The following MED24 variants were observed in gnomAD, a reference collection of about 807,000 sequenced individuals.
The protein encoded by MED24 is mediator complex subunit 24.
A neutral mutation model predicts 118.8 loss-of-function variants in MED24; 74 were observed. The observed-to-expected ratio is 0.62, with a 90% CI of 0.52 to 0.76. The LOEUF (loss-of-function observed/expected upper bound fraction) is 0.76, where lower values mean the gene tolerates loss of function less well. MED24 is among the 30% of genes least tolerant of loss of function. The pLI is 0.00. For synonymous variants in MED24, 521 were observed against 523.9 expected (o/e 0.99, Z 0.08); for missense variants, 1,041 against 1,278.9 (o/e 0.81, Z 2.84).
chr17:40,042,295 T>A (rs868677345), intron 3 of MED24, among the ~76,000 whole-genome samples: 5 of 152,154 alleles, frequency 3.3e-5, no homozygotes, highest in South Asian at 2.1e-4. Context: ...GCCAAAAAAA[T>A]TTTGAAAAAT....
In MED24 at chr17:40,035,717, C is replaced by G; in HGVS notation, c.326+5G>C. 1 of 1,613,618 alleles carries G rather than the reference C, an allele frequency of 6.2e-7. No individual in the cohort carries two copies. Among genetic ancestry groups the G allele is most frequent in the South Asian group, 1.1e-5 (1 of 91,046 alleles). ...TATTGTGAGCCCCCTTACCCCTGCC[C>G]TTACCTCAGACGGTCACAAAACATG... On this transcript the variant is annotated splice_donor_5th_base_variant and intron_variant, in intron 5 of 25. Transcript: ENST00000394128.
At chr17:40,046,137 C>T (rs1383098061) in intron 3 of MED24, among the ~76,000 whole-genome samples, 46 of 139,578 alleles carry the variant, frequency 3.3e-4, no homozygotes, top group African/African-American at 1.0e-3. Context: ...CAGGCTGGAG[C>T]GCAGTGGCGC....
chr17:40,041,570 A>G (rs1478829804), intron 3 of MED24, among the ~76,000 whole-genome samples: 1 of 152,100 alleles, frequency 6.6e-6, no homozygotes, highest in African/African-American at 2.4e-5. Flanking sequence ...CCTCTTTTTG[A>G]TACCCCACAG....
chr17:40,045,342 G>A (rs1374105638), intron 3 of MED24, among the ~76,000 whole-genome samples: 1 of 152,086 alleles, frequency 6.6e-6, no homozygotes, highest in South Asian at 2.1e-4. Context: ...CCAGCTACTT[G>A]GGAGGCTGAG....
chr17:40,033,320 C>A lies in MED24; in HGVS notation c.671+25G>T. The A allele has an allele frequency of 6.2e-7, 1 of 1,612,384 alleles. No individual in the cohort carries two copies. Among genetic ancestry groups the A allele is most frequent in the African/African-American group, 1.3e-5 (1 of 75,006 alleles). ...AGGGCGTGTCCTCCCTCTCCCTTCTCCACCATCCCCCAGGGAGCCGGTACC... is the reference window on the plus strand; with the variant it reads ...AGGGCGTGTCCTCCCTCTCCCTTCTACACCATCCCCCAGGGAGCCGGTACC... On this transcript the variant is annotated intron_variant, in intron 7 of 25. Coordinates refer to ENST00000394128, the MANE Select transcript of MED24 (RefSeq NM_014815.4). This position sits in a 1 kb window ranked among gnomAD's most constrained non-coding sequence, Gnocchi z 5.2.
In MED24 at chr17:40,033,372, G is replaced by T. The variant is rs372414782; in HGVS notation, c.644C>A (p.Ala215Asp). ...CCTAATGAGGGTGCCACACTGCTCGGCCTGACTCCGGAGCTGCGGGTTGCT... is the reference window on the plus strand; with the variant it reads ...CCTAATGAGGGTGCCACACTGCTCGTCCTGACTCCGGAGCTGCGGGTTGCT... The part of the protein sequence containing the change: ...NLSNPQLRSQ[A>D]EQCGTLIRSI... Residue 215 changes from alanine to aspartate, a missense_variant, in exon 7 of 26, where the codon GCC (alanine) becomes GAC (aspartate). Ala to Asp is a moderately radical substitution (Grantham distance 126). Around this residue, in one of 3 missense-constraint regions of MED24, gnomAD observed 434 missense variants for 514.9 expected, o/e 0.84. Coordinates refer to ENST00000394128, the MANE Select transcript of MED24 (RefSeq NM_014815.4). This position sits in a 1 kb window ranked among gnomAD's most constrained non-coding sequence, Gnocchi z 5.2. 1.2e-6 allele frequency: 2 copies of T among 1,612,740 alleles called. No homozygotes were observed. Among genetic ancestry groups the T allele is most frequent in the African/African-American group, 2.7e-5 (2 of 74,900 alleles).
intron 13 of MED24, 69 bp from the exon 14 acceptor site, chr17:40,029,037 C>T: frequency 6.3e-7 from 1 of 1,592,752 alleles, no homozygotes. Flanking sequence ...ACAGCCTAGC[C>T]ACATTTTCTC....
chr17:40,029,970 T>A (rs750847681), intron 12 of MED24, 111 bp from the exon 13 acceptor site: 1 of 890,270 alleles, frequency 1.1e-6, no homozygotes, highest in Non-Finnish European at 1.8e-6. Context: ...GGGAAGCATG[T>A]AAGAACCTCC....
intron 22 of MED24, 78 bp from the exon 23 acceptor site, chr17:40,022,132 C>T (rs574502555): frequency 1.5e-4 from 178 of 1,182,580 alleles, no homozygotes; most frequent in South Asian, 2.7e-4. Flanking sequence ...GCTTGAGCTC[C>T]GATTTGAGCG....
At chr17:40,043,242 T>A (rs1206460390) in intron 3 of MED24, among the ~76,000 whole-genome samples, 1 of 152,144 alleles carries the variant, frequency 6.6e-6, no homozygotes, top group African/African-American at 2.4e-5. Flanking sequence ...GGCCTGTTGT[T>A]AATAATGAGA....
intron 5 of MED24, 45 bp from the exon 6 acceptor site, chr17:40,035,394 G>A: frequency 6.6e-7 from 1 of 1,521,186 alleles, no homozygotes; most frequent in Non-Finnish European, 8.9e-7. Context: ...TCCAATGGCT[G>A]AAATCCGACC....
chr17:40,047,729 T>C (rs1483936233), intron 3 of MED24, among the ~76,000 whole-genome samples: 1 of 151,836 alleles, frequency 6.6e-6, no homozygotes, highest in Non-Finnish European at 1.5e-5. Context: ...TGAATTGATC[T>C]TAAGATGTTT....
chr17:40,048,266 C>T (rs1472546873), intron 3 of MED24, among the ~76,000 whole-genome samples: 1 of 152,172 alleles, frequency 6.6e-6, no homozygotes, highest in Non-Finnish European at 1.5e-5. Context: ...CAGGAACTCC[C>T]CAGGGTCCCC....
intron 13 of MED24, 46 bp from the exon 14 acceptor site, chr17:40,029,014 C>G: frequency 6.2e-7 from 1 of 1,612,800 alleles, no homozygotes; most frequent in Non-Finnish European, 8.5e-7. Context: ...ACTGAAGACC[C>G]CCCACCCAAG....
intron 3 of MED24, among the ~76,000 whole-genome samples, chr17:40,040,045 A>G (rs1448546601): frequency 2.7e-5 from 4 of 150,926 alleles, no homozygotes; most frequent in Non-Finnish European, 5.9e-5. Context: ...GGCCTCCCAA[A>G]GTGCTGGGAT....
At chr17:40,026,056 T>A (rs1167490730) in intron 19 of MED24, 100 bp downstream of exon 19, 1 of 1,220,160 alleles carries the variant, frequency 8.2e-7, no homozygotes, top group Non-Finnish European at 1.2e-6. Flanking sequence ...TCAAGTAGCG[T>A]GTTTGCGAAG....
At chr17:40,027,617 A>G (rs771779048) in intron 15 of MED24, 152 bp from the exon 16 acceptor site, 53 of 747,162 alleles carry the variant, frequency 7.1e-5, no homozygotes, top group Non-Finnish European at 9.9e-5. Flanking sequence ...TTGAGTCTCA[A>G]CTGGAACATC....
At chr17:40,035,667 G>A in intron 5 of MED24, 55 bp downstream of exon 5, 1 of 1,576,614 alleles carries the variant, frequency 6.3e-7, no homozygotes, top group Non-Finnish European at 8.7e-7. Flanking sequence ...CTGCACCTCT[G>A]CACAAAGACA....
Position 40,019,610 on chromosome 17 carries a change from G to C in MED24, c.2889C>G (p.Ser963Arg). ...SELVKVSAMS[S>R]PKVVLAITDL... ...CCGTGATGGCCAGAACCACCTTGGG[G>C]CTGGACATGGCTGACACCTTCACCA... The change falls in exon 26 of 26, where the codon AGC (serine) becomes AGG (arginine). Residue 963 changes from serine to arginine, a missense_variant. Around this residue, in one of 3 missense-constraint regions of MED24, gnomAD observed 587 missense variants for 694.4 expected, o/e 0.85. Transcript: ENST00000394128. 1 of 1,606,072 alleles carries C rather than the reference G, an allele frequency of 6.2e-7. No homozygotes were observed. The highest frequency in any genetic ancestry group is 1.1e-5 in the South Asian group (1 of 90,338).
Sources: allele counts gnomAD v4.1 joint callset (sites outside exome capture counted in the v4.1 genomes callset), GRCh38; gene constraint gnomAD v4.1.1; regional missense constraint gnomAD v4.1.1; non-coding constraint Gnocchi (gnomAD v3.1); transcripts MANE v1.5; gene names NCBI Gene and HGNC (gene_info 2026-07-23, HGNC 2026-07-21).